MAPK10: variants seen among roughly 807,000 people sequenced by gnomAD.
MAPK10 encodes the protein mitogen-activated protein kinase 10, also known as JNK3 alpha protein kinase.
MAPK10 carries 25 observed loss-of-function variants against 59.3 expected under a neutral mutation model. The ratio of observed to expected loss-of-function variants is 0.42; its 90% CI spans 0.31 to 0.59. The LOEUF is 0.59. Ranked by LOEUF, MAPK10 falls within the 20% of genes least tolerant of loss-of-function variation. MAPK10 has a pLI of 0.15. For missense variants in MAPK10, 351 were observed against 568.9 expected, an observed-to-expected ratio of 0.62 and a Z score of 3.90; for synonymous variants, 190 against 200.5, an observed-to-expected ratio of 0.95 and a Z score of 0.44.
intron 1 of MAPK10, among the ~76,000 whole-genome samples, chr4:86,475,709 C>T (rs186766715): frequency 1.4e-3 from 214 of 152,134 alleles, no homozygotes; most frequent in African/African-American, 4.7e-3. Flanking sequence ...GGGGCAAGAA[C>T]CTCCCAACCC....
intron 1 of MAPK10, among the ~76,000 whole-genome samples, chr4:86,435,062 C>A (rs1370927959): frequency 6.6e-6 from 1 of 152,208 alleles, no homozygotes; most frequent in East Asian, 1.9e-4. Context: ...ATATCACATT[C>A]ATATGCGGGA....
chr4:86,189,492 TTTA>T (rs2079125003), intron 3 of MAPK10, among the ~76,000 whole-genome samples: 1 of 152,202 alleles, frequency 6.6e-6, no homozygotes, highest in African/African-American at 2.4e-5. Context: ...TCCTAGGTAT[TTTA>T]TTCTCTTTGT....
chr4:86,441,435 C>T (rs182230652), intron 1 of MAPK10, among the ~76,000 whole-genome samples: 101 of 152,280 alleles, frequency 6.6e-4, no homozygotes, highest in Non-Finnish European at 1.3e-3. Flanking sequence ...TTTTGCATTG[C>T]GTAGTTACAG....
rs148000432 is a variant in MAPK10, at chr4:86,118,579, TACACACACACAC to T, written c.237-11239_237-11228del. On this transcript the variant is annotated intron_variant, in intron 4 of 13. Coordinates refer to ENST00000641462, the MANE Select transcript of MAPK10 (RefSeq NM_138982.4). ...TTGTATGTATTTATATAAATACACA[TACACACACACAC>T]ACACACACACACACACACACACACA... is the stretch of plus-strand genomic sequence containing the variant. Among the ~76,000 whole-genome samples the T allele has an allele frequency of 4.8e-5, 7 of 146,246 alleles. No homozygotes were observed. The East Asian group carries it at 6.0e-4, about 12-fold the overall frequency.
chr4:86,461,846 G>T (rs1049004757), intron 1 of MAPK10, among the ~76,000 whole-genome samples: 2 of 152,282 alleles, frequency 1.3e-5, no homozygotes, highest in Admixed American at 1.3e-4. Context: ...CACCTTGAGT[G>T]ACCACTCTCA....
At chr4:86,342,954 A>G (rs1725888359) in intron 2 of MAPK10, among the ~76,000 whole-genome samples, 1 of 152,168 alleles carries the variant, frequency 6.6e-6, no homozygotes, top group African/African-American at 2.4e-5. Context: ...CATCATCTAT[A>G]GAAACAGACC....
chr4:86,563,194 T>C (rs1245326890), intron 1 of MAPK10, among the ~76,000 whole-genome samples: 6 of 152,180 alleles, frequency 3.9e-5, no homozygotes, highest in Admixed American at 1.3e-4. Context: ...ATAAAAGTCA[T>C]GGAAACCTTT....
At chr4:86,372,564 G>GAAAAGAAAAGA (rs372381149) in intron 1 of MAPK10, among the ~76,000 whole-genome samples, 95 of 78,690 alleles carry the variant, frequency 1.2e-3, no homozygotes, top group African/African-American at 3.2e-3. Flanking sequence ...AAGAAAGAAA[G>GAAAAGAAAAGA]AAAGAAAAGA....
At chr4:86,519,227 C>A (rs1402818053) in intron 1 of MAPK10, among the ~76,000 whole-genome samples, 1 of 152,114 alleles carries the variant, frequency 6.6e-6, no homozygotes, top group Non-Finnish European at 1.5e-5. Flanking sequence ...AAGTCCTCCA[C>A]TATTATTGTG....
intron 13 of MAPK10, 132 bp downstream of exon 13, chr4:86,029,065 A>G: frequency 2.6e-6 from 2 of 761,178 alleles, no homozygotes; most frequent in Non-Finnish European, 2.4e-6. Context: ...TAAAATCATT[A>G]TAAGGACACA....
At chr4:86,463,669 G>T (rs1170350569) in intron 1 of MAPK10, among the ~76,000 whole-genome samples, 1 of 152,240 alleles carries the variant, frequency 6.6e-6, no homozygotes, top group East Asian at 1.9e-4. Context: ...GGATCAATTG[G>T]AAACATTAAA....
chr4:86,174,687 G>A (rs1903360), intron 3 of MAPK10, among the ~76,000 whole-genome samples: 44,995 of 152,046 alleles, frequency 0.3, 8,794 homozygotes, highest in African/African-American at 0.56. Flanking sequence ...GTGCATCACA[G>A]GATGACTAAA....
rs1368988659 is a variant in MAPK10 at position 86,058,486 on chromosome 4, G to A, written c.1110+5780C>T. The stretch of plus-strand genomic sequence containing the variant: ...CCAGGAGACAGAGGGGAGAATCTAG[G>A]CCATTTCTCCCCACCCTTTTCTCTA... On this transcript the variant is annotated intron_variant, in intron 11 of 13. Transcript: ENST00000641462. Among the ~76,000 whole-genome samples the A allele has an allele frequency of 2.0e-5, 3 of 149,114 alleles. 1 individual carries two copies. Among genetic ancestry groups the A allele is most frequent in the African/African-American group, 7.6e-5 (3 of 39,610 alleles).
chr4:86,523,909 T>A (rs1757293546), intron 1 of MAPK10, among the ~76,000 whole-genome samples: 1 of 152,378 alleles, frequency 6.6e-6, no homozygotes. Flanking sequence ...TGTTGGAATC[T>A]GATCACCAAT....
intron 2 of MAPK10, among the ~76,000 whole-genome samples, chr4:86,228,082 C>T (rs150366335): frequency 4.6e-5 from 7 of 152,276 alleles, no homozygotes; most frequent in African/African-American, 1.4e-4. Flanking sequence ...GGTAGGTACA[C>T]TAAGTAAGCT....
chr4:86,293,870 C>G (rs1459866659), intron 2 of MAPK10, among the ~76,000 whole-genome samples: 2 of 152,282 alleles, frequency 1.3e-5, no homozygotes, highest in African/African-American at 4.8e-5. Context: ...CCGCCTCTAT[C>G]TAAACACCTC....
chr4:86,221,938 A>T (rs1472516328), intron 2 of MAPK10, among the ~76,000 whole-genome samples: 4 of 152,108 alleles, frequency 2.6e-5, no homozygotes, highest in East Asian at 1.9e-4. Context: ...TTTTTGTGAG[A>T]TCTAATTGTT....
chr4:86,510,826 C>T (rs182229953), intron 1 of MAPK10, among the ~76,000 whole-genome samples: 1 of 151,786 alleles, frequency 6.6e-6, no homozygotes, highest in African/African-American at 2.4e-5. Flanking sequence ...TATACGAAAG[C>T]AAAAAAATTG....
chr4:86,506,233 G>A (rs1361536743), intron 1 of MAPK10, among the ~76,000 whole-genome samples: 1 of 152,124 alleles, frequency 6.6e-6, no homozygotes, highest in East Asian at 1.9e-4. Flanking sequence ...TTTTATTGAG[G>A]AACTGTCCTC....
Sources: allele counts gnomAD v4.1 joint callset (sites outside exome capture counted in the v4.1 genomes callset), GRCh38; gene constraint gnomAD v4.1.1; transcripts MANE v1.5; gene names NCBI Gene and HGNC (gene_info 2026-07-23, HGNC 2026-07-21).